The following LSG1 variants were observed in gnomAD, a reference collection of about 807,000 sequenced individuals.
LSG1 encodes the protein large subunit GTPase 1 homolog.
A neutral mutation model predicts 82.6 loss-of-function variants in LSG1; 55 were observed. The observed-to-expected ratio is 0.67, with a 90% CI of 0.54 to 0.83. The LOEUF (loss-of-function observed/expected upper bound fraction) is 0.83. Ranked by LOEUF, LSG1 falls within the 40% of genes least tolerant of loss-of-function variation. LSG1 has a pLI of 0.00. For missense variants in LSG1, 809 were observed against 807.9 expected, an observed-to-expected ratio of 1.00 and a Z score of -0.02; for synonymous variants, 272 against 282.5, an observed-to-expected ratio of 0.96 and a Z score of 0.37.
intron 11 of LSG1, among the ~76,000 whole-genome samples, chr3:194,648,097 T>TA (rs1428884012): frequency 3.3e-5 from 5 of 150,548 alleles, no homozygotes; most frequent in South Asian, 4.2e-4. Context: ...TTTTTTTTTT[T>TA]TAGGTAGACA....
chr3:194,644,760 A>G lies in LSG1; in HGVS notation c.1624-14T>C. 10 of 1,596,870 alleles carry G rather than the reference A, an allele frequency of 6.3e-6. No homozygotes were observed. Among genetic ancestry groups the G allele is most frequent in the Non-Finnish European group, 7.7e-6 (9 of 1,170,706 alleles). ...CAGCAGCTTACCCTACAAAGACAAC[A>G]TGAATGACAACAGTGCAGCCTAAGT... is the stretch of plus-strand genomic sequence containing the variant. On this transcript the variant is annotated splice_polypyrimidine_tract_variant and intron_variant, in intron 12 of 13. Transcript: ENST00000265245.
chr3:194,653,344 G>A lies in LSG1; in HGVS notation c.760-202C>T, dbSNP rs200694232. Among the ~76,000 whole-genome samples the A allele has an allele frequency of 9.9e-5, 15 of 151,984 alleles. No homozygotes were observed. The East Asian group carries it at 2.1e-3, about 22-fold the overall frequency. On this transcript the variant is annotated intron_variant, in intron 7 of 13. Transcript: ENST00000265245. ...ACGCTGACCAACATGGTGAAACCCCGCCTCTACTAAAAATACAAAAATTAG... is the reference window on the plus strand; with the variant it reads ...ACGCTGACCAACATGGTGAAACCCCACCTCTACTAAAAATACAAAAATTAG...
chr3:194,660,252 CT>C (rs1718898805), intron 5 of LSG1, 119 bp from the exon 6 acceptor site: 1 of 774,802 alleles, frequency 1.3e-6, no homozygotes, highest in African/African-American at 1.7e-5. Flanking sequence ...CATATATTAA[CT>C]TTTTAAGGTA....
Position 194,642,241 on chromosome 3 carries a change from C to T in LSG1, c.1804G>A (p.Val602Met). Reference protein sequence around the residue: ...VDKTFFHQENVRALTKGVQAV... With the variant: ...VDKTFFHQENMRALTKGVQAV... ...TGGACTCCTTTGGTCAAAGCCCTCA[C>T]ATTCTCCTAGGAAATAAGAGAAAAC... Residue 602 changes from valine to methionine, a missense_variant, in exon 14 of 14, where the codon GTG becomes ATG. By Grantham distance (21) the Val-to-Met change is conservative (BLOSUM62 1). Transcript: ENST00000265245. 6.2e-7 allele frequency: 1 copy of T among 1,612,656 alleles called. No individual in the cohort carries two copies. The highest frequency in any genetic ancestry group is 8.5e-7 in the Non-Finnish European group (1 of 1,179,470).
At chr3:194,656,664 T>C (rs1201535310) in intron 7 of LSG1, among the ~76,000 whole-genome samples, 1 of 152,004 alleles carries the variant, frequency 6.6e-6, no homozygotes, top group Non-Finnish European at 1.5e-5. Context: ...ACCCAAAGGA[T>C]TATAAATCAT....
intron 12 of LSG1, chr3:194,645,281 C>G (rs1718495826): frequency 6.6e-6 from 1 of 152,212 alleles, no homozygotes; most frequent in South Asian, 2.1e-4. Flanking sequence ...ATACCAATAG[C>G]ATGAACTGCT....
At chr3:194,648,634 G>C (rs200067574) in intron 11 of LSG1, 47 bp downstream of exon 11, 142 of 1,586,316 alleles carry the variant, frequency 9.0e-5, no homozygotes, top group Admixed American at 2.5e-4. Flanking sequence ...CTATTCATTA[G>C]GTATACTGTT....
intron 10 of LSG1, among the ~76,000 whole-genome samples, chr3:194,650,558 A>G (rs955583629): frequency 7.9e-5 from 12 of 152,224 alleles, no homozygotes; most frequent in African/African-American, 2.9e-4. Flanking sequence ...ATTTTCCCCC[A>G]CTTAGAGAAA....
At chr3:194,671,785 C>G in intron 1 of LSG1, 1 of 485,600 alleles carries the variant, frequency 2.1e-6, no homozygotes, top group Non-Finnish European at 3.6e-6. Flanking sequence ...GCTTCTAGGG[C>G]AAAACCCAAA....
chr3:194,661,546 G>A (rs898203435), intron 5 of LSG1, among the ~76,000 whole-genome samples: 3 of 152,220 alleles, frequency 2.0e-5, no homozygotes, highest in African/African-American at 7.2e-5. Context: ...GGAAGACAGT[G>A]TTCCGCCCTC....
chr3:194,642,271 T>C (rs199712624), intron 13 of LSG1, 24 bp from the exon 14 acceptor site: 290 of 1,603,360 alleles, frequency 1.8e-4, no homozygotes, highest in Non-Finnish European at 2.4e-4. Flanking sequence ...GAAAACATTA[T>C]CTGAGCTGTC....
chr3:194,642,396 T>TC, intron 13 of LSG1, 149 bp from the exon 14 acceptor site: 1 of 551,570 alleles, frequency 1.8e-6, no homozygotes. Context: ...GTCCTCTTTC[T>TC]CCCCCCAGCA....
intron 2 of LSG1, 46 bp downstream of exon 2, chr3:194,669,963 A>G: frequency 6.3e-7 from 1 of 1,579,590 alleles, no homozygotes. Flanking sequence ...TCAGCCCCAG[A>G]TGGAAATGTG....
At chr3:194,653,321 G>A (rs976528343) in intron 7 of LSG1, among the ~76,000 whole-genome samples, 179 bp from the exon 8 acceptor site, 1 of 151,844 alleles carries the variant, frequency 6.6e-6, no homozygotes, top group African/African-American at 2.4e-5. Context: ...TTGAGACCAC[G>A]CTGACCAACA....
At position 194,645,575 on chromosome 3, in the gene LSG1, GACACACACACAC is replaced by G. The variant is rs57272537; in HGVS notation, c.1623+577_1623+588del. 9.3e-3 allele frequency among the ~76,000 whole-genome samples: 186 copies of G among 20,098 alleles called. 11 individuals carry two copies. Among genetic ancestry groups the G allele is most frequent in the African/African-American group, 0.019 (148 of 7,990 alleles). The allele number at this position is 20,098 out of a possible 152,430, so 13.2% of individuals were successfully genotyped here. A position where few individuals can be genotyped will look rare whatever the true frequency, so the allele number is the denominator to read the frequency against. On this transcript the variant is annotated intron_variant, in intron 12 of 13. Transcript: ENST00000265245. ...ACACACACACACACACACACAGACA[GACACACACACAC>G]ACACACACACACACACACACACACA...
chr3:194,642,093 C>G lies in LSG1; in HGVS notation c.1952G>C (p.Arg651Thr). 2 of 1,612,924 alleles carry G rather than the reference C, an allele frequency of 1.2e-6. No individual in the cohort carries two copies. Among genetic ancestry groups the G allele is most frequent in the Non-Finnish European group, 8.5e-7 (1 of 1,180,026 alleles). The change falls in exon 14 of 14, where the codon AGA (arginine) becomes ACA (threonine). Residue 651 changes from arginine (R) to threonine (T), a missense_variant. Transcript: ENST00000265245. ...GNRNKKEKSR[R>T]LYKHLDM ...TCACATATCCAGGTGCTTGTAGAGT[C>G]TACGACTTTTTTCTTTTTTATTTCT...
intron 7 of LSG1, among the ~76,000 whole-genome samples, chr3:194,656,591 A>C (rs539266381): frequency 2.0e-5 from 3 of 151,874 alleles, no homozygotes; most frequent in African/African-American, 7.3e-5. Context: ...TCAGTGTGGC[A>C]ATTCCTCAGG....
chr3:194,652,327 G>T (rs1323722489), intron 8 of LSG1, among the ~76,000 whole-genome samples: 2 of 152,154 alleles, frequency 1.3e-5, no homozygotes. Context: ...CCAAGATGCT[G>T]GGATTCTCCC....
Position 194,642,181 on chromosome 3 carries a change from C to T in LSG1, c.1864G>A (p.Val622Met), listed in dbSNP as rs1718410638. 6.2e-7 allele frequency: 1 copy of T among 1,614,138 alleles called. No individual in the cohort carries two copies. Among genetic ancestry groups the T allele is most frequent in the Middle Eastern group, 1.7e-4 (1 of 6,028 alleles). Residue 622 changes from valine to methionine, a missense_variant, in exon 14 of 14, where the codon GTG becomes ATG. By Grantham distance (21) the Val-to-Met change is conservative. Transcript: ENST00000265245. Reference sequence around the variant, plus strand: ...TCAGAGCTCGCAGTGGATGCAGTCACTACACCACTCCCGGGCTTGTAACCC... The same window carrying T: ...TCAGAGCTCGCAGTGGATGCAGTCATTACACCACTCCCGGGCTTGTAACCC... ...VMGYKPGSGV[V>M]TASTASSENG...
Sources: gnomAD v4.1 joint callset for allele counts (sites outside exome capture counted in the v4.1 genomes callset) on GRCh38, gnomAD v4.1.1 for gene constraint, MANE v1.5 for transcripts, NCBI Gene and HGNC (gene_info 2026-07-23, HGNC 2026-07-21) for gene names.